Variants in CCDC7 observed in about 807,000 individuals in gnomAD.
CCDC7 encodes the protein coiled-coil domain-containing protein 7.
A neutral mutation model predicts 196.9 loss-of-function variants in CCDC7; 183 were observed. The observed-to-expected ratio is 0.93, with a 90% CI of 0.82 to 1.05. CCDC7 has a LOEUF of 1.05. Among genes scored for constraint, CCDC7 ranks in the 50% least tolerant of loss-of-function variants. The pLI, the probability that CCDC7 is intolerant of heterozygous loss-of-function variation, is 0.00. For synonymous variants in CCDC7, 525 were observed against 484.6 expected (o/e 1.08, Z -1.10); for missense variants, 1,540 against 1,482.2 (o/e 1.04, Z -0.64).
At chr10:32,666,246 G>A (rs1293597993) in intron 21 of CCDC7, among the ~76,000 whole-genome samples, 1 of 149,348 alleles carries the variant, frequency 6.7e-6, no homozygotes, top group South Asian at 2.1e-4. Context: ...ATGAAGAGAA[G>A]GTAGATTACA....
At chr10:32,858,132 T>C (rs1343235304) in intron 41 of CCDC7, among the ~76,000 whole-genome samples, 1 of 152,104 alleles carries the variant, frequency 6.6e-6, no homozygotes, top group African/African-American at 2.4e-5. Flanking sequence ...GAAGAAGTAA[T>C]TAAAAGCGTT....
exon 6 of CCDC7, chr10:32,471,088 C>A: frequency 6.2e-7 from 1 of 1,605,494 alleles, no homozygotes; most frequent in Admixed American, 1.7e-5. Flanking sequence ...AACTCTTTTA[C>A]AAGCAGAGCC....
chr10:32,465,241 T>A (rs2036520051), intron 5 of CCDC7, among the ~76,000 whole-genome samples: 1 of 152,160 alleles, frequency 6.6e-6, no homozygotes, highest in Non-Finnish European at 1.5e-5. Context: ...GGATTTCCTA[T>A]AATAACCCTT....
At chr10:32,693,523 A>C (rs2077329279) in intron 23 of CCDC7, among the ~76,000 whole-genome samples, 9 of 151,786 alleles carry the variant, frequency 5.9e-5, no homozygotes, top group Admixed American at 5.9e-4. Flanking sequence ...GACATGTTTA[A>C]TTTGTTTTAC....
intron 16 of CCDC7, among the ~76,000 whole-genome samples, chr10:32,575,800 G>A (rs1393759406): frequency 6.6e-6 from 1 of 152,138 alleles, no homozygotes; most frequent in Non-Finnish European, 1.5e-5. Flanking sequence ...TTTGATCTTA[G>A]AGACTCATTA....
At chr10:32,705,099 A>G (rs2079480642) in intron 24 of CCDC7, among the ~76,000 whole-genome samples, 1 of 152,122 alleles carries the variant, frequency 6.6e-6, no homozygotes, top group Non-Finnish European at 1.5e-5. Flanking sequence ...CGTGTTCTGC[A>G]TTGCTCATGC....
chr10:32,472,907 T>G (rs2038244408), intron 7 of CCDC7, among the ~76,000 whole-genome samples: 1 of 152,240 alleles, frequency 6.6e-6, no homozygotes, highest in Admixed American at 6.5e-5. Context: ...GTTTGACTTT[T>G]GTGGGGTTTC....
At chr10:32,474,100 G>A in intron 8 of CCDC7, 77 bp downstream of exon 9, 1 of 1,446,506 alleles carries the variant, frequency 6.9e-7, no homozygotes, top group Non-Finnish European at 9.4e-7. Context: ...ATAATTATTA[G>A]GTTAACAGTG....
At chr10:32,636,815 C>G (rs1002776991) in intron 20 of CCDC7, among the ~76,000 whole-genome samples, 4 of 152,222 alleles carry the variant, frequency 2.6e-5, no homozygotes, top group Admixed American at 2.0e-4. Context: ...CAGACTTCCA[C>G]AATGGTTTAA....
At chr10:32,877,427 C>T (rs1044400663), downstream of CCDC7, among the ~76,000 whole-genome samples, 1 of 151,752 alleles carries the variant, frequency 6.6e-6, no homozygotes, top group Non-Finnish European at 1.5e-5. Flanking sequence ...TGCAAGTTGC[C>T]GATAATTGGG....
At chr10:32,600,030 C>T (rs1339659920) in intron 18 of CCDC7, among the ~76,000 whole-genome samples, 2 of 152,010 alleles carry the variant, frequency 1.3e-5, no homozygotes, top group Non-Finnish European at 2.9e-5. Context: ...CAGTACCATG[C>T]TGTTTTGGTT....
At chr10:32,650,259 G>A (rs2068502180) in intron 20 of CCDC7, among the ~76,000 whole-genome samples, 1 of 152,208 alleles carries the variant, frequency 6.6e-6, no homozygotes, top group African/African-American at 2.4e-5. Context: ...TGGTTTCACA[G>A]TGGGGATAAT....
exon 15 of CCDC7, chr10:32,567,849 A>G: frequency 6.2e-7 from 1 of 1,613,540 alleles, no homozygotes; most frequent in Non-Finnish European, 8.5e-7. Context: ...TTTCAGATTC[A>G]GGTGGACAAA....
intron 12 of CCDC7, 52 bp downstream of exon 13, chr10:32,543,437 T>C: frequency 8.2e-7 from 1 of 1,226,610 alleles, no homozygotes; most frequent in East Asian, 3.0e-5. Flanking sequence ...ATTTATATTT[T>C]CTTTTTATAC....
chr10:32,496,691 G>A (rs796393031), intron 9 of CCDC7, among the ~76,000 whole-genome samples: 3 of 152,080 alleles, frequency 2.0e-5, no homozygotes, highest in African/African-American at 7.2e-5. Flanking sequence ...GATGGATTAC[G>A]TTTATTGATT....
chr10:32,482,858 A>G (rs2040248855), intron 8 of CCDC7, among the ~76,000 whole-genome samples: 1 of 152,294 alleles, frequency 6.6e-6, no homozygotes, highest in East Asian at 1.9e-4. Context: ...ATAGTATTCC[A>G]TGGTGTATAC....
At chr10:32,770,208 G>T (rs559601094) in intron 28 of CCDC7, among the ~76,000 whole-genome samples, 14 of 152,052 alleles carry the variant, frequency 9.2e-5, no homozygotes, top group Non-Finnish European at 5.9e-5. Flanking sequence ...GAGCAACGTT[G>T]GGTTGTTAAC....
chr10:32,488,848 A>G (rs546426561), intron 8 of CCDC7, among the ~76,000 whole-genome samples: 13 of 152,286 alleles, frequency 8.5e-5, no homozygotes, highest in African/African-American at 2.6e-4. Context: ...TTTTATATGA[A>G]AAGATCTTCA....
chr10:32,620,761 T>C (rs1381535981), intron 18 of CCDC7, among the ~76,000 whole-genome samples: 1 of 152,164 alleles, frequency 6.6e-6, no homozygotes, highest in East Asian at 1.9e-4. Context: ...GTCTCAGATG[T>C]TACTGACTAA....
Sources: allele counts gnomAD v4.1 joint callset (sites outside exome capture counted in the v4.1 genomes callset), GRCh38; gene constraint gnomAD v4.1.1; transcripts MANE v1.5; gene names NCBI Gene and HGNC (gene_info 2026-07-23, HGNC 2026-07-21).